PCDHGA3: variants seen among roughly 807,000 people sequenced by gnomAD.
PCDHGA3 encodes protocadherin gamma subfamily A, 3.
A neutral mutation model predicts 58.5 loss-of-function variants in PCDHGA3; 40 were observed. That is an observed-to-expected ratio of 0.68 (90% CI 0.53 to 0.89). The LOEUF (loss-of-function observed/expected upper bound fraction) is 0.89, where lower values mean the gene tolerates loss of function less well. PCDHGA3 is among the 40% of genes least tolerant of loss of function. The pLI, the probability that PCDHGA3 is intolerant of heterozygous loss-of-function variation, is 0.00. For missense variants in PCDHGA3, 1,223 were observed against 1,195.9 expected, an observed-to-expected ratio of 1.02 and a Z score of -0.33; for synonymous variants, 530 against 525.7, an observed-to-expected ratio of 1.01 and a Z score of -0.11.
In PCDHGA3 at chr5:141,388,772, C is replaced by G. The variant is rs747075769; in HGVS notation, c.2424+42315C>G. 6.8e-6 allele frequency: 11 copies of G among 1,613,680 alleles called. No individual in the cohort carries two copies. In the Admixed American group the frequency reaches 1.8e-4, roughly 27 times the overall value. On this transcript the variant is annotated intron_variant, in intron 1 of 3. Transcript: ENST00000253812. Reference sequence around the variant, plus strand: ...CCCAATTTGACCTGAACTCTAACACCGGGGAAATTACTGTTTTAAATACAT... The same window carrying G: ...CCCAATTTGACCTGAACTCTAACACGGGGGAAATTACTGTTTTAAATACAT...
chr5:141,345,839 C>T lies in PCDHGA3; in HGVS notation c.1806C>T (p.Ala602=). ...TGGACAGAGACTCGGGCCAGAACGC[C>T]TGGCTGTCCTACCGCCTGCTCAAGG... ...VAVDRDSGQN[A]WLSYRLLKAS... is the part of the protein sequence containing the mutation. Residue 602 remains alanine, a synonymous_variant, in exon 1 of 4, where the codon GCC becomes GCT. Coordinates refer to ENST00000253812, the MANE Select transcript of PCDHGA3 (RefSeq NM_018916.4). 6.2e-7 allele frequency: 1 copy of T among 1,613,540 alleles called. No homozygotes were observed. The highest frequency in any genetic ancestry group is 1.1e-5 in the South Asian group (1 of 91,032).
intron 1 of PCDHGA3, among the ~76,000 whole-genome samples, chr5:141,451,829 C>T (rs564970982): frequency 1.2e-4 from 18 of 151,422 alleles, no homozygotes; most frequent in African/African-American, 4.1e-4. Flanking sequence ...TACAGTGAGC[C>T]GAGATCACAC....
At chr5:141,450,129 C>T (rs1211301953) in intron 1 of PCDHGA3, among the ~76,000 whole-genome samples, 1 of 151,472 alleles carries the variant, frequency 6.6e-6, no homozygotes, top group African/African-American at 2.4e-5. Context: ...GCCTTAGCCT[C>T]CTGAGTAGCT....
In PCDHGA3 at chr5:141,421,851, T is replaced by A. The variant is rs771169063; in HGVS notation, c.2425-72956T>A. 16 of 1,613,596 alleles carry A rather than the reference T, an allele frequency of 9.9e-6. No homozygotes were observed. The Middle Eastern group carries it at 4.9e-4, about 50-fold the overall frequency. On this transcript the variant is annotated intron_variant, in intron 1 of 3. Coordinates refer to ENST00000253812, the MANE Select transcript of PCDHGA3 (RefSeq NM_018916.4). ...GCCTGGACCGAGAGAAAGAGGCTGC[T>A]CACCTGCTCCTCCTCACAGCTTTAG...
chr5:141,429,374 TG>T (rs2097206438), intron 1 of PCDHGA3, among the ~76,000 whole-genome samples: 1 of 145,410 alleles, frequency 6.9e-6, no homozygotes, highest in South Asian at 2.2e-4. Context: ...ATGGAGAAAA[TG>T]TGTTTTTTTT....
chr5:141,427,664 C>T (rs760682962), intron 1 of PCDHGA3: 11 of 775,778 alleles, frequency 1.4e-5, no homozygotes, highest in East Asian at 1.0e-4. Context: ...TCCACGTGGC[C>T]GAAAACAACC....
Position 141,415,384 on chromosome 5 carries a change from A to G in PCDHGA3, c.2424+68927A>G, listed in dbSNP as rs767664633. ...GCTGCAGGCTTCAGGAGGCGGCTTG[A>G]CAGGTGTGTCCGGCTCGCACTTTGT... On this transcript the variant is annotated intron_variant, in intron 1 of 3. Coordinates refer to ENST00000253812, the MANE Select transcript of PCDHGA3 (RefSeq NM_018916.4). 9.3e-6 allele frequency: 15 copies of G among 1,614,156 alleles called. No homozygotes were observed. The East Asian group carries it at 2.2e-4, about 24-fold the overall frequency.
intron 2 of PCDHGA3, among the ~76,000 whole-genome samples, chr5:141,501,838 G>C (rs888418141): frequency 6.6e-6 from 1 of 152,000 alleles, no homozygotes; most frequent in African/African-American, 2.4e-5. Flanking sequence ...CACCTGTTTG[G>C]CCCTCAACCT....
At chr5:141,364,496 C>A in intron 1 of PCDHGA3, 3 of 1,613,998 alleles carry the variant, frequency 1.9e-6, no homozygotes, top group South Asian at 2.2e-5. Flanking sequence ...TGGGCTGGAG[C>A]CCCAGGAGCT....
intron 1 of PCDHGA3, chr5:141,371,062 G>T: frequency 6.2e-7 from 1 of 1,613,974 alleles, no homozygotes; most frequent in Non-Finnish European, 8.5e-7. Context: ...CCCTCCAGAA[G>T]CTGTACCACC....
intron 1 of PCDHGA3, chr5:141,389,952 C>T (rs2091983675): frequency 3.1e-6 from 5 of 1,613,946 alleles, no homozygotes; most frequent in Non-Finnish European, 4.2e-6. Context: ...GCAGTTTTAC[C>T]TAGTGGTGGC....
chr5:141,487,936 G>C lies in PCDHGA3; in HGVS notation c.2425-6871G>C. On this transcript the variant is annotated intron_variant, in intron 1 of 3. Coordinates refer to ENST00000253812, the MANE Select transcript of PCDHGA3 (RefSeq NM_018916.4). This position sits in a 1 kb window ranked among gnomAD's most constrained non-coding sequence, Gnocchi z 5.0. The stretch of plus-strand genomic sequence containing the variant: ...AGGAGGCTACAGTGCACAGGGTACA[G>C]TGCACCAGGCAGTCACTTGGACAAA... 4.9e-6 allele frequency: 3 copies of C among 607,906 alleles called. No homozygotes were observed. The highest frequency in any genetic ancestry group is 3.7e-5 in the African/African-American group (2 of 54,158). 37.7% of individuals were successfully genotyped at this position (607,906 alleles called of 1,614,324 possible). A position where few individuals can be genotyped will look rare whatever the true frequency, so the allele number is the denominator to read the frequency against.
intron 1 of PCDHGA3, chr5:141,403,447 C>G (rs1382965437): frequency 6.2e-7 from 1 of 1,613,924 alleles, no homozygotes; most frequent in Non-Finnish European, 8.5e-7. Context: ...TTGGCGTGAA[C>G]TCCCTCCAGA....
At chr5:141,374,401 T>C in intron 1 of PCDHGA3, 7 of 1,614,060 alleles carry the variant, frequency 4.3e-6, no homozygotes, top group Non-Finnish European at 5.1e-6. Flanking sequence ...TGGTGAGTTT[T>C]AACATCCTTG....
At chr5:141,385,281 C>G (rs761366864) in intron 1 of PCDHGA3, 15 of 1,613,230 alleles carry the variant, frequency 9.3e-6, no homozygotes, top group Admixed American at 3.3e-5. Flanking sequence ...TGCTAACATC[C>G]GTAGATTTTC....
intron 1 of PCDHGA3, chr5:141,390,432 C>T: frequency 2.0e-6 from 2 of 985,350 alleles, no homozygotes; most frequent in South Asian, 3.4e-5. Context: ...GCTGTCATAT[C>T]ATTCTACAAA....
intron 1 of PCDHGA3, chr5:141,422,210 T>C: frequency 6.4e-7 from 1 of 1,562,390 alleles, no homozygotes; most frequent in South Asian, 1.2e-5. Flanking sequence ...GGTGGAGGTC[T>C]CTTTACCACC....
Position 141,423,337 on chromosome 5 carries a change from A to G in PCDHGA3, c.2425-71470A>G, listed in dbSNP as rs769321122. The G allele has an allele frequency of 6.0e-5, 97 of 1,614,180 alleles. 1 individual carries two copies. The African/African-American group carries it at 8.9e-4, about 15-fold the overall frequency. ...GGTGGCGGTGGCCGCAGTCTCCTGC[A>G]TCTTCCTGGTCTTTGTCATCGTGCT... On this transcript the variant is annotated intron_variant, in intron 1 of 3. Coordinates refer to ENST00000253812, the MANE Select transcript of PCDHGA3 (RefSeq NM_018916.4).
At chr5:141,422,040 C>T (rs1045003805) in intron 1 of PCDHGA3, 10 of 1,611,324 alleles carry the variant, frequency 6.2e-6, no homozygotes, top group African/African-American at 4.0e-5. Context: ...CGGATCCAGA[C>T]GAGGGAATCA....
Sources: gnomAD v4.1 joint callset for allele counts (sites outside exome capture counted in the v4.1 genomes callset) on GRCh38, gnomAD v4.1.1 for gene constraint, Gnocchi (gnomAD v3.1) non-coding constraint, MANE v1.5 for transcripts, NCBI Gene and HGNC (gene_info 2026-07-23, HGNC 2026-07-21) for gene names.